EXTL3: variants seen among roughly 807,000 people sequenced by gnomAD.
EXTL3 encodes the protein exostosin-like 3.
In EXTL3, 27 loss-of-function variants were observed where a neutral mutation model predicts 69.3. The observed-to-expected ratio is 0.39, with a 90% CI of 0.29 to 0.54. The LOEUF is 0.54. Ranked by LOEUF, EXTL3 falls within the 20% of genes least tolerant of loss-of-function variation. The pLI is 0.69. For missense variants in EXTL3, 1,003 were observed against 1,231.8 expected (o/e 0.81, Z 2.78); for synonymous variants, 511 against 499.4 (o/e 1.02, Z -0.31).
At chr8:28,667,836 A>G (rs1222099473) in intron 1 of EXTL3, among the ~76,000 whole-genome samples, 2 of 151,682 alleles carry the variant, frequency 1.3e-5, no homozygotes, top group South Asian at 2.1e-4. Flanking sequence ...CATTGTGCAC[A>G]TGTACCCTAG....
At chr8:28,670,413 A>G (rs1807267864) in intron 1 of EXTL3, among the ~76,000 whole-genome samples, 1 of 152,166 alleles carries the variant, frequency 6.6e-6, no homozygotes, top group Non-Finnish European at 1.5e-5. Flanking sequence ...TGACTCACAC[A>G]ATTATGAAGG....
intron 1 of EXTL3, among the ~76,000 whole-genome samples, chr8:28,665,311 G>T (rs1807178903): frequency 6.6e-6 from 1 of 151,632 alleles, no homozygotes; most frequent in African/African-American, 2.4e-5. Context: ...CTGACCTCAG[G>T]TGATCCACCC....
At chr8:28,724,280 CT>C (rs1156431085) in intron 3 of EXTL3, among the ~76,000 whole-genome samples, 1 of 152,198 alleles carries the variant, frequency 6.6e-6, no homozygotes, top group African/African-American at 2.4e-5. Context: ...TCATTGGCAA[CT>C]TTTTCTCTTA....
Position 28,743,108 on chromosome 8 carries a change from A to T in EXTL3, c.2444A>T (p.Tyr815Phe), listed in dbSNP as rs983136504. Residue 815 changes from tyrosine to phenylalanine, a missense_variant, in exon 6 of 7, where the codon TAT (tyrosine) becomes TTT (phenylalanine). Tyr to Phe is a conservative substitution (Grantham distance 22). Coordinates refer to ENST00000220562, the MANE Select transcript of EXTL3 (RefSeq NM_001440.4). ...FHKYYAYLYS[Y>F]VMPQAIRDMV... is the part of the protein sequence containing the mutation. ...CAGTATTATGCCTACCTGTATTCTT[A>T]TGTGATGCCCCAGGCCATCCGGGAC... is the stretch of plus-strand genomic sequence containing the variant. 1.2e-6 allele frequency: 2 copies of T among 1,614,024 alleles called. No homozygotes were observed. Among genetic ancestry groups the T allele is most frequent in the African/African-American group, 1.3e-5 (1 of 74,922 alleles).
intron 1 of EXTL3, among the ~76,000 whole-genome samples, chr8:28,629,642 C>T (rs17440894): frequency 0.023 from 3,459 of 152,076 alleles, 150 homozygotes; most frequent in Admixed American, 0.11. Context: ...TGAAGGTGGG[C>T]GGTGCCAAAT....
At chr8:28,628,191 G>T (rs1409255358) in intron 1 of EXTL3, among the ~76,000 whole-genome samples, 1 of 152,132 alleles carries the variant, frequency 6.6e-6, no homozygotes, top group Non-Finnish European at 1.5e-5. Flanking sequence ...GTGAAACCCC[G>T]TCTCTGCTAA....
At chr8:28,673,881 T>TG (rs58587233) in intron 1 of EXTL3, among the ~76,000 whole-genome samples, 4,044 of 152,288 alleles carry the variant, frequency 0.027, 195 homozygotes, top group African/African-American at 0.092. Flanking sequence ...GAACTGGTTC[T>TG]GGGGTTTCTA....
At position 28,753,477 on chromosome 8, in the gene EXTL3, C is replaced by G. The variant is rs1051768456; in HGVS notation, c.*2611C>G. ...CAGTGCTCCTCCGTGTGGACTGTGC[C>G]TCAGGCCAGGGCTCACCAGCTGGGG... On this transcript the variant is annotated 3_prime_UTR_variant, in exon 7 of 7. Coordinates refer to ENST00000220562, the MANE Select transcript of EXTL3 (RefSeq NM_001440.4). 2 of 152,672 alleles carry G rather than the reference C, an allele frequency of 1.3e-5. No individual in the cohort carries two copies. The highest frequency in any genetic ancestry group is 2.9e-5 in the Non-Finnish European group (2 of 68,208). 9.5% of individuals were successfully genotyped at this position (152,672 alleles called of 1,614,324 possible). A position where few individuals can be genotyped will look rare whatever the true frequency, so the allele number is the denominator to read the frequency against.
At chr8:28,664,860 A>G (rs1807170098) in intron 1 of EXTL3, among the ~76,000 whole-genome samples, 1 of 152,046 alleles carries the variant, frequency 6.6e-6, no homozygotes, top group Admixed American at 6.6e-5. Flanking sequence ...GTCAGTGGAC[A>G]TTGTAATCTG....
intron 1 of EXTL3, among the ~76,000 whole-genome samples, chr8:28,657,679 T>C (rs1445398292): frequency 6.6e-6 from 1 of 152,152 alleles, no homozygotes; most frequent in African/African-American, 2.4e-5. Flanking sequence ...AAGAGTCATC[T>C]GTGCTTATTT....
At chr8:28,630,634 G>C (rs1384857812) in intron 1 of EXTL3, among the ~76,000 whole-genome samples, 1 of 152,198 alleles carries the variant, frequency 6.6e-6, no homozygotes, top group Non-Finnish European at 1.5e-5. Flanking sequence ...CAGAGTTGTT[G>C]GGAGAATTAG....
chr8:28,700,777 AC>A (rs2130696429), upstream of EXTL3: 1 of 152,308 alleles, frequency 6.6e-6, no homozygotes, highest in African/African-American at 2.4e-5. Flanking sequence ...GCTTGCTCCC[AC>A]CCCCATCCCC....
At chr8:28,641,363 C>T (rs768599515) in intron 1 of EXTL3, among the ~76,000 whole-genome samples, 5 of 152,170 alleles carry the variant, frequency 3.3e-5, no homozygotes, top group Non-Finnish European at 7.3e-5. Flanking sequence ...GAAACATGAG[C>T]TTGAAAGCTG....
chr8:28,715,492 C>G (rs1801124484), intron 2 of EXTL3, 93 bp from the exon 3 acceptor site: 2 of 153,986 alleles, frequency 1.3e-5, no homozygotes, highest in African/African-American at 4.8e-5. Context: ...GCCATTGTTC[C>G]ATCTAAGATT....
chr8:28,704,699 C>A (rs368786543), intron 1 of EXTL3, among the ~76,000 whole-genome samples: 2 of 151,760 alleles, frequency 1.3e-5, no homozygotes, highest in African/African-American at 4.8e-5. Context: ...GACGGCGTCT[C>A]GCTCTTTTCG....
intron 1 of EXTL3, among the ~76,000 whole-genome samples, chr8:28,674,850 C>T (rs570803604): frequency 6.6e-6 from 1 of 152,256 alleles, no homozygotes; most frequent in East Asian, 1.9e-4. Context: ...TGGTATTGGT[C>T]TTTCCACCTC....
In EXTL3 at chr8:28,717,228, A is replaced by T. The variant is rs1218568517; in HGVS notation, c.1169A>T (p.Lys390Met). Residue 390 changes from lysine (K) to methionine (M), a missense_variant, in exon 3 of 7, where the codon AAG becomes ATG. Physicochemically the swap from Lys to Met is moderately conservative, Grantham distance 95. Around this residue, in one of 2 missense-constraint regions of EXTL3, gnomAD observed 742 missense variants for 815.4 expected, o/e 0.91. Transcript: ENST00000220562. This position sits in a 1 kb window ranked among gnomAD's most constrained non-coding sequence, Gnocchi z 8.3. ...IATLKAVQDS[K>M]LDQVLVEFTC... ...ACCCTGAAGGCGGTGCAGGACAGCA[A>T]GCTGGATCAGGTCCTGGTGGAATTC... The T allele has an allele frequency of 6.2e-7, 1 of 1,614,108 alleles. No homozygotes were observed. Among genetic ancestry groups the T allele is most frequent in the African/African-American group, 1.3e-5 (1 of 74,956 alleles).
Position 28,737,578 on chromosome 8 carries a change from ACATCCCC to A in EXTL3, c.2341_2347del (p.Pro781SerfsTer17). 1 of 1,614,068 alleles carries A rather than the reference ACATCCCC, an allele frequency of 6.2e-7. No individual in the cohort carries two copies. The highest frequency in any genetic ancestry group is 8.5e-7 in the Non-Finnish European group (1 of 1,179,914). ...TTCCCTGGCCGTTACCACGCATGGG[ACATCCCC>A]CATCAGTCCTGGCTCTACAACTCCA... On this transcript the variant is annotated frameshift_variant, in exon 5 of 7. Transcript: ENST00000220562. LOFTEE classifies it high-confidence loss of function.
intron 1 of EXTL3, among the ~76,000 whole-genome samples, chr8:28,680,926 G>A (rs531748852): frequency 1.8e-4 from 28 of 152,194 alleles, no homozygotes; most frequent in African/African-American, 5.8e-4. Context: ...CGCCCAGGCT[G>A]GAGTGCGGTG....
Sources: gnomAD v4.1 joint callset for allele counts (sites outside exome capture counted in the v4.1 genomes callset) on GRCh38, gnomAD v4.1.1 for gene constraint, gnomAD v4.1.1 regional missense constraint, Gnocchi (gnomAD v3.1) non-coding constraint, MANE v1.5 for transcripts, NCBI Gene and HGNC (gene_info 2026-07-23, HGNC 2026-07-21) for gene names.